Variants in CSMD3 observed in about 807,000 individuals in gnomAD.
CSMD3 encodes CUB and Sushi multiple domains 3, also known as CUB and sushi domain-containing protein 3.
CSMD3 carries 177 observed loss-of-function variants against 435.2 expected under a neutral mutation model. The observed-to-expected ratio is 0.41, with a 90% CI of 0.36 to 0.46. The LOEUF (loss-of-function observed/expected upper bound fraction) is 0.46, where lower values mean the gene tolerates loss of function less well. Ranked by LOEUF, CSMD3 falls within the 20% of genes least tolerant of loss-of-function variation. The pLI is 0.34. For missense variants in CSMD3, 4,265 were observed against 4,504.6 expected, an observed-to-expected ratio of 0.95 and a Z score of 1.52; for synonymous variants, 1,656 against 1,520.5, an observed-to-expected ratio of 1.09 and a Z score of -2.07.
At position 112,687,272 on chromosome 8, in the gene CSMD3, C is replaced by T. The variant is rs551943950; in HGVS notation, c.2156-1540G>A. Among the ~76,000 whole-genome samples, 20 of 152,006 alleles carry T rather than the reference C, an allele frequency of 1.3e-4. No individual in the cohort carries two copies. The South Asian group carries it at 4.0e-3, about 30-fold the overall frequency. ...AAAATGATAACTCATTGTCTTAACTCGCATTTCTTTGACTACTAGAGAAGT... is the reference window on the plus strand; with the variant it reads ...AAAATGATAACTCATTGTCTTAACTTGCATTTCTTTGACTACTAGAGAAGT... On this transcript the variant is annotated intron_variant, in intron 14 of 70. Transcript: ENST00000297405.
chr8:113,162,571 CAA>C (rs753811903), intron 4 of CSMD3, among the ~76,000 whole-genome samples: 52 of 59,754 alleles, frequency 8.7e-4, no homozygotes, highest in Middle Eastern at 0.011. Context: ...GTCCCCACAT[CAA>C]AAAAAAAAAA....
chr8:112,632,295 T>A (rs2074537080), intron 22 of CSMD3, among the ~76,000 whole-genome samples: 1 of 151,908 alleles, frequency 6.6e-6, no homozygotes. Flanking sequence ...GTCAGAAAAG[T>A]GAGAATAATA....
chr8:112,329,039 G>T (rs1472629425), intron 45 of CSMD3, among the ~76,000 whole-genome samples: 5 of 152,154 alleles, frequency 3.3e-5, no homozygotes, highest in South Asian at 2.1e-4. Context: ...GATATCTGCT[G>T]CATTATTGTA....
chr8:112,880,310 C>CA (rs1457549839), intron 10 of CSMD3, among the ~76,000 whole-genome samples: 2 of 151,890 alleles, frequency 1.3e-5, no homozygotes, highest in African/African-American at 4.8e-5. Flanking sequence ...TGTTTCAATG[C>CA]AAAAAGAATA....
At chr8:112,252,644 T>C (rs1208770569) in intron 63 of CSMD3, among the ~76,000 whole-genome samples, 1 of 148,522 alleles carries the variant, frequency 6.7e-6, no homozygotes, top group South Asian at 2.1e-4. Context: ...GTTAGATCTA[T>C]ACAGATTTAG....
Position 112,231,588 on chromosome 8 carries a change from A to G in CSMD3, c.10785T>C (p.Phe3595=), listed in dbSNP as rs748183238. 1.1e-5 allele frequency: 18 copies of G among 1,612,576 alleles called. No homozygotes were observed. In the South Asian group the frequency reaches 2.0e-4, roughly 18 times the overall value. Residue 3595 remains phenylalanine (F), a synonymous_variant, in exon 69 of 71, where the codon TTT becomes TTC. Coordinates refer to ENST00000297405, the MANE Select transcript of CSMD3 (RefSeq NM_198123.2). ...PDGATYVFQG[F]IQGKDYGQFG... is the part of the protein sequence containing the mutation. ...ATTGTCCATAATCTTTGCCTTGAAT[A>G]AATCCTTGAAATACATAAGTAGCTC...
intron 2 of CSMD3, among the ~76,000 whole-genome samples, chr8:113,296,575 C>T (rs151189760): frequency 6.2e-4 from 95 of 152,094 alleles, no homozygotes; most frequent in African/African-American, 2.2e-3. Flanking sequence ...GCTTCTGAAA[C>T]ATCCAAATAA....
chr8:113,396,682 G>T (rs1304573279), intron 1 of CSMD3, among the ~76,000 whole-genome samples: 1 of 151,898 alleles, frequency 6.6e-6, no homozygotes, highest in Admixed American at 6.6e-5. Flanking sequence ...TGATTAATTC[G>T]TACCAAAGTA....
intron 3 of CSMD3, among the ~76,000 whole-genome samples, chr8:113,249,596 T>C (rs912287194): frequency 6.6e-6 from 1 of 152,102 alleles, no homozygotes; most frequent in African/African-American, 2.4e-5. Context: ...CCCATGATTT[T>C]CAGTGGTGTA....
At position 113,262,957 on chromosome 8, in the gene CSMD3, C is replaced by T. The variant is rs537527119; in HGVS notation, c.514+15635G>A. On this transcript the variant is annotated intron_variant, in intron 3 of 70. Coordinates refer to ENST00000297405, the MANE Select transcript of CSMD3 (RefSeq NM_198123.2). ...TTGTATTAATCCTCTAAATTGTGGT[C>T]GTTTGTTATGCAGCAATATAAAACC... 5.3e-5 allele frequency among the ~76,000 whole-genome samples: 8 copies of T among 151,942 alleles called. No individual in the cohort carries two copies. The East Asian group carries it at 9.7e-4, about 18-fold the overall frequency.
chr8:113,420,718 C>T lies in CSMD3; in HGVS notation c.178+15959G>A, dbSNP rs2094605122. ...ATCCCAGCATTTCGGGAGGCGGAGG[C>T]GGATGGATCACCTGAGGTCAGGAGT... On this transcript the variant is annotated intron_variant, in intron 1 of 70. Transcript: ENST00000297405. Among the ~76,000 whole-genome samples the T allele has an allele frequency of 2.6e-5, 4 of 151,844 alleles. 1 individual carries two copies. The highest frequency in any genetic ancestry group is 4.8e-5 in the African/African-American group (2 of 41,366).
At chr8:112,909,446 T>TA (rs2082348099) in intron 10 of CSMD3, among the ~76,000 whole-genome samples, 1 of 151,626 alleles carries the variant, frequency 6.6e-6, no homozygotes, top group African/African-American at 2.4e-5. Flanking sequence ...AATAAGCCAC[T>TA]AAAGCAAATA....
rs552326842 is a variant in CSMD3, at chr8:112,357,125, T to A, written c.6137-4591A>T. Among the ~76,000 whole-genome samples, 3 of 152,216 alleles carry A rather than the reference T, an allele frequency of 2.0e-5. No homozygotes were observed. In the South Asian group the frequency reaches 6.2e-4, roughly 32 times the overall value. On this transcript the variant is annotated intron_variant, in intron 38 of 70. Transcript: ENST00000297405. The stretch of plus-strand genomic sequence containing the variant: ...ACTTGTTGCATGGCTTTGACAAAAA[T>A]GCTGATAGTGATATGAAGGGTAAGT...
intron 34 of CSMD3, among the ~76,000 whole-genome samples, chr8:112,408,058 C>T (rs958028338): frequency 4.0e-5 from 6 of 151,060 alleles, no homozygotes; most frequent in African/African-American, 1.5e-4. Context: ...AAAGGATTGT[C>T]AGGAAAAAAA....
intron 6 of CSMD3, among the ~76,000 whole-genome samples, chr8:112,992,747 TA>T (rs778467273): frequency 4.3e-4 from 66 of 151,952 alleles, no homozygotes; most frequent in South Asian, 1.4e-3. Flanking sequence ...GATTTAAATT[TA>T]AAACAAATCA....
rs778797634 is a variant in CSMD3 at position 112,682,457 on chromosome 8, T to C, written c.2662A>G (p.Ile888Val). ...MDGKVMWSGLIPKCGAPCGGH... is the reference protein window; with the variant it reads ...MDGKVMWSGLVPKCGAPCGGH... ...CTACACTTACCTCCACATTTTGGAA[T>C]CAGTCCACTCCACATTACTTTTCCA... Residue 888 changes from isoleucine (I) to valine (V), a missense_variant, in exon 16 of 71, where the codon ATT becomes GTT. Coordinates refer to ENST00000297405, the MANE Select transcript of CSMD3 (RefSeq NM_198123.2). 6.2e-7 allele frequency: 1 copy of C among 1,611,988 alleles called. No individual in the cohort carries two copies. The highest frequency in any genetic ancestry group is 1.1e-5 in the South Asian group (1 of 91,000).
At chr8:113,199,446 A>G (rs1449688006) in intron 3 of CSMD3, among the ~76,000 whole-genome samples, 1 of 151,792 alleles carries the variant, frequency 6.6e-6, no homozygotes, top group Non-Finnish European at 1.5e-5. Context: ...TTTAAATAAG[A>G]TGGTTTCTAG....
At chr8:113,277,370 G>C (rs943612465) in intron 3 of CSMD3, among the ~76,000 whole-genome samples, 1 of 151,818 alleles carries the variant, frequency 6.6e-6, no homozygotes. Context: ...AAAAGTATTA[G>C]GTAGAAAATA....
At chr8:113,046,310 AAAAG>A (rs1465232670) in intron 5 of CSMD3, among the ~76,000 whole-genome samples, 1 of 149,416 alleles carries the variant, frequency 6.7e-6, no homozygotes, top group Non-Finnish European at 1.5e-5. Flanking sequence ...GGAGTTTTAA[AAAAG>A]AAAGAAACAA....
Sources: gnomAD v4.1 joint callset for allele counts (sites outside exome capture counted in the v4.1 genomes callset) on GRCh38, gnomAD v4.1.1 for gene constraint, MANE v1.5 for transcripts, NCBI Gene and HGNC (gene_info 2026-07-23, HGNC 2026-07-21) for gene names.